AGBL4: variants seen among roughly 807,000 people sequenced by gnomAD.
AGBL4 encodes the protein cytosolic carboxypeptidase 6.
AGBL4 carries 58 observed loss-of-function variants against 66.4 expected under a neutral mutation model. The observed-to-expected ratio is 0.87, with a 90% CI of 0.71 to 1.09. The LOEUF is 1.09. Among genes scored for constraint, AGBL4 ranks in the 50% least tolerant of loss-of-function variants. AGBL4 has a pLI of 0.00. For missense variants in AGBL4, 579 were observed against 631.0 expected, an observed-to-expected ratio of 0.92 and a Z score of 0.88; for synonymous variants, 234 against 222.9, an observed-to-expected ratio of 1.05 and a Z score of -0.44.
At chr1:49,845,224 C>T (rs1229337025) in intron 2 of AGBL4, 2 of 1,504,430 alleles carry the variant, frequency 1.3e-6, no homozygotes, top group Non-Finnish European at 1.8e-6. Context: ...CCAGAGAATC[C>T]ACACTGGGGA....
intron 1 of AGBL4, among the ~76,000 whole-genome samples, chr1:49,921,414 A>C (rs1468240423): frequency 6.6e-6 from 1 of 152,190 alleles, no homozygotes; most frequent in Non-Finnish European, 1.5e-5. Flanking sequence ...CATCAATGCA[A>C]ATATATCTAA....
intron 5 of AGBL4, among the ~76,000 whole-genome samples, chr1:48,888,557 G>A (rs986187446): frequency 9.9e-5 from 15 of 152,110 alleles, no homozygotes; most frequent in African/African-American, 3.4e-4. Flanking sequence ...GCCTTTCCCA[G>A]AATGGTGCAA....
rs759348883 is a variant in AGBL4 at position 49,762,414 on chromosome 1, CT to C, written c.158-64978del. On this transcript the variant is annotated intron_variant, in intron 2 of 13. Transcript: ENST00000371839. ...TTAAGGTTTTCTTCTCAATTTTCTT[CT>C]TTTTTTTTTTTTTTTGAGACGGAGT... is the stretch of plus-strand genomic sequence containing the variant. Among the ~76,000 whole-genome samples, 572 of 139,222 alleles carry C rather than the reference CT, an allele frequency of 4.1e-3. 2 individuals are homozygous for C. Among genetic ancestry groups the C allele is most frequent in the Admixed American group, 5.4e-3 (75 of 13,902 alleles). The allele number at this position is 139,222 out of a possible 152,430, so 91.3% of individuals were successfully genotyped here.
intron 4 of AGBL4, among the ~76,000 whole-genome samples, chr1:49,048,061 G>A (rs1052491223): frequency 1.3e-5 from 2 of 152,068 alleles, no homozygotes; most frequent in African/African-American, 4.8e-5. Context: ...TTGTATTTGG[G>A]GAGAATGTCT....
Position 49,257,445 on chromosome 1 carries a change from G to C in AGBL4, c.283-11581C>G, listed in dbSNP as rs139977344. ...TCAGACTGCTGTGCTAGCAATCAGC[G>C]AGACTCCGTGAGCATAGGACTCTCC... On this transcript the variant is annotated intron_variant, in intron 3 of 13. Coordinates refer to ENST00000371839, the MANE Select transcript of AGBL4 (RefSeq NM_032785.4). The C allele has an allele frequency of 2.2e-4, 35 of 156,264 alleles. 1 individual carries two copies. The East Asian group carries it at 6.3e-3, about 28-fold the overall frequency. 9.7% of individuals were successfully genotyped at this position (156,264 alleles called of 1,614,324 possible).
rs371016402 is a variant in AGBL4, at chr1:48,746,974, G to A, written c.635-83733C>T. 4.9e-4 allele frequency among the ~76,000 whole-genome samples: 74 copies of A among 152,318 alleles called. 2 individuals are homozygous for A. The South Asian group carries it at 0.014, about 29-fold the overall frequency. ...AGGGAGAGCAGGGAGGGCCCCTAGT[G>A]CTTTTAATTTAAGAGGGGAGAAAAT... is the stretch of plus-strand genomic sequence containing the variant. On this transcript the variant is annotated intron_variant, in intron 6 of 13. Transcript: ENST00000371839.
intron 2 of AGBL4, among the ~76,000 whole-genome samples, chr1:49,754,183 C>T (rs909843705): frequency 6.6e-6 from 1 of 151,760 alleles, no homozygotes; most frequent in East Asian, 1.9e-4. Flanking sequence ...CCTTTTTACA[C>T]GGGTTTTTCC....
intron 1 of AGBL4, among the ~76,000 whole-genome samples, chr1:49,999,631 A>G (rs1660605527): frequency 6.6e-6 from 1 of 152,120 alleles, no homozygotes; most frequent in Admixed American, 6.5e-5. Flanking sequence ...AAGCAAGACT[A>G]AACAACAACA....
rs1016696691 is a variant in AGBL4 at position 49,353,749 on chromosome 1, C to T, written c.283-107885G>A. ...GCTCCACGAGCAGAAGAGTGGCAGGCGGCAGAGCGGCACAGCAGAGAAGGA... is the reference window on the plus strand; with the variant it reads ...GCTCCACGAGCAGAAGAGTGGCAGGTGGCAGAGCGGCACAGCAGAGAAGGA... On this transcript the variant is annotated intron_variant, in intron 3 of 13. Transcript: ENST00000371839. 5.3e-5 allele frequency among the ~76,000 whole-genome samples: 8 copies of T among 152,136 alleles called. No homozygotes were observed. In the East Asian group the frequency reaches 5.8e-4, roughly 11 times the overall value.
At chr1:48,554,972 T>A (rs1418954) in intron 11 of AGBL4, among the ~76,000 whole-genome samples, 27,213 of 152,154 alleles carry the variant, frequency 0.18, 2,962 homozygotes, top group Middle Eastern at 0.31. Context: ...TAAGGTACTG[T>A]GCCAGACGCT....
At chr1:49,504,913 C>T (rs1393602374) in intron 3 of AGBL4, among the ~76,000 whole-genome samples, 2 of 151,656 alleles carry the variant, frequency 1.3e-5, no homozygotes, top group East Asian at 3.9e-4. Flanking sequence ...TTTTTAGATC[C>T]TTTGTTTCTT....
chr1:49,953,305 C>T (rs887798589), intron 1 of AGBL4, among the ~76,000 whole-genome samples: 4 of 151,852 alleles, frequency 2.6e-5, no homozygotes, highest in African/African-American at 9.7e-5. Flanking sequence ...GAAAATTAAA[C>T]AGTTCAAGAG....
At chr1:48,665,905 C>T (rs1243912856) in intron 6 of AGBL4, among the ~76,000 whole-genome samples, 2 of 152,176 alleles carry the variant, frequency 1.3e-5, no homozygotes, top group Non-Finnish European at 2.9e-5. Context: ...TCCCCTGACC[C>T]CGTATCAAGT....
rs183363131 is a variant in AGBL4, at chr1:48,981,928, C to T, written c.594+63656G>A. Among the ~76,000 whole-genome samples the T allele has an allele frequency of 1.7e-3, 265 of 152,246 alleles. 3 individuals are homozygous for T. In the South Asian group the frequency reaches 0.021, roughly 12 times the overall value. On this transcript the variant is annotated intron_variant, in intron 5 of 13. Coordinates refer to ENST00000371839, the MANE Select transcript of AGBL4 (RefSeq NM_032785.4). Reference sequence around the variant, plus strand: ...AAGAAAGTGTGTGCACACAGAAGAGCGATCAACTTCATCTTGGGGTGAGGG... The same window carrying T: ...AAGAAAGTGTGTGCACACAGAAGAGTGATCAACTTCATCTTGGGGTGAGGG...
chr1:49,247,120 G>A (rs1218796322), intron 3 of AGBL4, among the ~76,000 whole-genome samples: 1 of 151,988 alleles, frequency 6.6e-6, no homozygotes, highest in Non-Finnish European at 1.5e-5. Flanking sequence ...CAGATAAGAT[G>A]TCCATGATTT....
chr1:49,633,930 T>C (rs1273752250), intron 3 of AGBL4, among the ~76,000 whole-genome samples: 1 of 146,760 alleles, frequency 6.8e-6, no homozygotes, highest in Non-Finnish European at 1.5e-5. Context: ...ATTTTATATA[T>C]ATTTTAATAA....
At chr1:49,286,695 G>A (rs1162563768) in intron 3 of AGBL4, among the ~76,000 whole-genome samples, 1 of 151,718 alleles carries the variant, frequency 6.6e-6, no homozygotes, top group East Asian at 1.9e-4. Flanking sequence ...ACAAACCACT[G>A]CTCAAGGAAA....
intron 4 of AGBL4, among the ~76,000 whole-genome samples, chr1:49,170,193 T>C (rs934842818): frequency 6.8e-6 from 1 of 147,474 alleles, no homozygotes; most frequent in African/African-American, 2.5e-5. Flanking sequence ...TATATTCATA[T>C]AAATATGTTA....
At chr1:49,816,539 C>T (rs1645236340) in intron 2 of AGBL4, among the ~76,000 whole-genome samples, 2 of 152,050 alleles carry the variant, frequency 1.3e-5, no homozygotes. Context: ...ATTAGGCCTC[C>T]CAGCCCAGAT....
Sources: gnomAD v4.1 joint callset for allele counts (sites outside exome capture counted in the v4.1 genomes callset) on GRCh38, gnomAD v4.1.1 for gene constraint, MANE v1.5 for transcripts, NCBI Gene and HGNC (gene_info 2026-07-23, HGNC 2026-07-21) for gene names.